Variants in HEATR5B observed in about 807,000 individuals in gnomAD.
The protein encoded by HEATR5B is HEAT repeat containing 5B.
A neutral mutation model predicts 224.1 loss-of-function variants in HEATR5B; 156 were observed. The ratio of observed to expected loss-of-function variants is 0.70; its 90% CI spans 0.61 to 0.80. HEATR5B has a LOEUF of 0.80. Ranked by LOEUF, HEATR5B falls within the 30% of genes least tolerant of loss-of-function variation. The pLI is 0.00. For missense variants in HEATR5B, 2,323 were observed against 2,535.5 expected, an observed-to-expected ratio of 0.92 and a Z score of 1.80; for synonymous variants, 1,027 against 893.0, an observed-to-expected ratio of 1.15 and a Z score of -2.68.
At chr2:37,006,502 G>A (rs28482188) in intron 29 of HEATR5B, among the ~76,000 whole-genome samples, 19,500 of 152,154 alleles carry the variant, frequency 0.13, 1,551 homozygotes, top group Non-Finnish European at 0.17. Flanking sequence ...TTACCCGGGC[G>A]TGGTGGCGCA....
Position 36,980,941 on chromosome 2 carries a change from T to G in HEATR5B, c.*549A>C, listed in dbSNP as rs545216789. ...TAATTGTTACCAACTAAAATATACA[T>G]AGCATAATTTAGTAATTTGATATGA... is the stretch of plus-strand genomic sequence containing the variant. On this transcript the variant is annotated 3_prime_UTR_variant, in exon 36 of 36. Coordinates refer to ENST00000233099, the MANE Select transcript of HEATR5B (RefSeq NM_019024.3). 1 of 152,274 alleles carries G rather than the reference T, an allele frequency of 6.6e-6. No homozygotes were observed. The highest frequency in any genetic ancestry group is 1.5e-5 in the Non-Finnish European group (1 of 68,034). The allele number at this position is 152,274 out of a possible 1,614,324, so 9.4% of individuals were successfully genotyped here. A position where few individuals can be genotyped will look rare whatever the true frequency, so the allele number is the denominator to read the frequency against.
chr2:37,012,469 C>A (rs1355909727), intron 27 of HEATR5B, among the ~76,000 whole-genome samples: 6 of 152,074 alleles, frequency 3.9e-5, no homozygotes, highest in African/African-American at 1.4e-4. Context: ...TGGCTCACTG[C>A]AATCTCTGCC....
chr2:37,026,969 T>C (rs1277547789), intron 24 of HEATR5B, among the ~76,000 whole-genome samples: 1 of 152,146 alleles, frequency 6.6e-6, no homozygotes, highest in Non-Finnish European at 1.5e-5. Context: ...CACTAATTTG[T>C]TGTATTTTTA....
chr2:37,069,046 C>T lies in HEATR5B; in HGVS notation c.928-116G>A, dbSNP rs970978608. On this transcript the variant is annotated intron_variant, in intron 7 of 35. Coordinates refer to ENST00000233099, the MANE Select transcript of HEATR5B (RefSeq NM_019024.3). ...CATGCTGAATGAATTGTATTTGAGGCTAAAACAGAGAAAATTTAAACTTGA... is the reference window on the plus strand; with the variant it reads ...CATGCTGAATGAATTGTATTTGAGGTTAAAACAGAGAAAATTTAAACTTGA... 1.0e-5 allele frequency: 11 copies of T among 1,088,092 alleles called. No homozygotes were observed. The South Asian group carries it at 1.7e-4, about 17-fold the overall frequency. 67.4% of individuals were successfully genotyped at this position (1,088,092 alleles called of 1,614,324 possible).
intron 4 of HEATR5B, 138 bp downstream of exon 4, chr2:37,076,773 G>A (rs1167351412): frequency 1.6e-6 from 1 of 616,794 alleles, no homozygotes; most frequent in East Asian, 2.8e-5. Flanking sequence ...TAAAAGAAGG[G>A]ACAAGTAATA....
intron 5 of HEATR5B, among the ~76,000 whole-genome samples, chr2:37,074,930 A>G (rs564375596): frequency 2.0e-5 from 3 of 152,368 alleles, no homozygotes; most frequent in South Asian, 4.1e-4. Context: ...AATGGTGATG[A>G]TATGAAGGAA....
intron 26 of HEATR5B, among the ~76,000 whole-genome samples, chr2:37,016,409 C>T (rs1027670136): frequency 1.3e-5 from 2 of 152,102 alleles, no homozygotes; most frequent in African/African-American, 4.8e-5. Context: ...CCGCGCCCGG[C>T]CACATGTCCT....
intron 17 of HEATR5B, among the ~76,000 whole-genome samples, chr2:37,053,011 T>G (rs1453046755): frequency 2.6e-5 from 4 of 152,188 alleles, no homozygotes; most frequent in Non-Finnish European, 5.9e-5. Context: ...TACTGTATTC[T>G]TCTTCATACC....
intron 22 of HEATR5B, 49 bp downstream of exon 22, chr2:37,032,580 T>C: frequency 6.7e-7 from 1 of 1,486,616 alleles, no homozygotes; most frequent in Non-Finnish European, 9.2e-7. Flanking sequence ...TTAACTGAAA[T>C]GTAAAAGTAG....
At chr2:37,003,400 C>T (rs1434874649) in intron 31 of HEATR5B, 142 bp downstream of exon 31, 13 of 553,440 alleles carry the variant, frequency 2.3e-5, no homozygotes, top group African/African-American at 5.8e-5. Context: ...CACATCATTG[C>T]GCTCCAGCTT....
intron 18 of HEATR5B, among the ~76,000 whole-genome samples, chr2:37,047,980 C>G (rs112558408): frequency 0.028 from 4,332 of 152,102 alleles, 210 homozygotes; most frequent in African/African-American, 0.099. Context: ...TCAGAAAAAT[C>G]CCAGTTTTAA....
chr2:37,039,037 C>T (rs988792833), intron 20 of HEATR5B, among the ~76,000 whole-genome samples: 7 of 151,728 alleles, frequency 4.6e-5, no homozygotes, highest in East Asian at 1.9e-4. Flanking sequence ...ATGCCGGTAA[C>T]GGGCTGGGCG....
At chr2:37,058,603 A>C (rs762414409) in intron 13 of HEATR5B, 43 bp from the exon 14 acceptor site, 14 of 1,325,110 alleles carry the variant, frequency 1.1e-5, no homozygotes, top group Non-Finnish European at 1.4e-5. Flanking sequence ...TACCAGAATA[A>C]GTATTACTTA....
chr2:37,068,705 T>C lies in HEATR5B; in HGVS notation c.1153A>G (p.Ile385Val), dbSNP rs1343286902. ...IAAAKEICQAIGKQMKAVEAV... is the reference protein window; with the variant it reads ...IAAAKEICQAVGKQMKAVEAV... ...CCTACGGCTTTCATTTGTTTTCCAA[T>C]AGCTTGGCAGATTTCTTTGGCAGCT... Residue 385 changes from isoleucine (I) to valine (V), a missense_variant, in exon 8 of 36, where the codon ATT becomes GTT. Physicochemically the swap from Ile to Val is conservative, Grantham distance 29. Around this residue, in one of 12 missense-constraint regions of HEATR5B, gnomAD observed 502 missense variants for 517.8 expected, o/e 0.97. Coordinates refer to ENST00000233099, the MANE Select transcript of HEATR5B (RefSeq NM_019024.3). The C allele has an allele frequency of 1.9e-5, 31 of 1,614,160 alleles. No homozygotes were observed. Among genetic ancestry groups the C allele is most frequent in the Non-Finnish European group, 2.6e-5 (31 of 1,180,014 alleles).
chr2:37,067,356 T>C (rs1671649239), intron 8 of HEATR5B, among the ~76,000 whole-genome samples: 1 of 152,266 alleles, frequency 6.6e-6, no homozygotes, highest in Admixed American at 6.5e-5. Context: ...GTGCAAATTA[T>C]TCTTTAAGTT....
chr2:37,007,743 C>T (rs946782672), intron 28 of HEATR5B, among the ~76,000 whole-genome samples: 1 of 152,304 alleles, frequency 6.6e-6, no homozygotes, highest in African/African-American at 2.4e-5. Context: ...TATAAAGCCA[C>T]CAAAAGTAAC....
At chr2:37,060,342 G>A (rs114834036) in intron 12 of HEATR5B, among the ~76,000 whole-genome samples, 3,461 of 152,172 alleles carry the variant, frequency 0.023, 59 homozygotes, top group Non-Finnish European at 0.032. Flanking sequence ...AGAGGCCTGG[G>A]TTCTAGTTCC....
At chr2:37,016,169 G>C (rs1394528831) in intron 26 of HEATR5B, among the ~76,000 whole-genome samples, 1 of 146,868 alleles carries the variant, frequency 6.8e-6, no homozygotes, top group Non-Finnish European at 1.5e-5. Context: ...TTGGAGCGCA[G>C]TGGCGTGATT....
intron 33 of HEATR5B, among the ~76,000 whole-genome samples, chr2:36,998,731 T>C (rs1666888465): frequency 6.6e-6 from 1 of 152,068 alleles, no homozygotes. Context: ...CATTAACAGA[T>C]GTAAAAAAAG....
Sources: gnomAD v4.1 joint callset for allele counts (sites outside exome capture counted in the v4.1 genomes callset) on GRCh38, gnomAD v4.1.1 for gene constraint, gnomAD v4.1.1 regional missense constraint, MANE v1.5 for transcripts, NCBI Gene and HGNC (gene_info 2026-07-23, HGNC 2026-07-21) for gene names.